The following MIPOL1 variants were observed in gnomAD, a reference collection of about 807,000 sequenced individuals.
MIPOL1 encodes mirror-image polydactyly 1.
MIPOL1 carries 57 observed loss-of-function variants against 60.9 expected under a neutral mutation model. The ratio of observed to expected loss-of-function variants is 0.94; its 90% confidence interval spans 0.76 to 1.17. MIPOL1 has a LOEUF of 1.17. MIPOL1 is among the 50% of genes most tolerant of loss of function. The pLI is 0.00. For missense variants in MIPOL1, 551 were observed against 511.6 expected (o/e 1.08, Z -0.74); for synonymous variants, 179 against 168.8 (o/e 1.06, Z -0.47).
chr14:37,427,834 A>G (rs1050878099), intron 11 of MIPOL1, among the ~76,000 whole-genome samples: 4 of 152,206 alleles, frequency 2.6e-5, no homozygotes, highest in Admixed American at 6.5e-5. Flanking sequence ...CAACTAATTC[A>G]TAGAAATATT....
intron 12 of MIPOL1, among the ~76,000 whole-genome samples, chr14:37,514,726 A>C: frequency 6.6e-6 from 1 of 151,510 alleles, no homozygotes; most frequent in East Asian, 1.9e-4. Flanking sequence ...AGTTCATGCG[A>C]TTCTCCTGCC....
chr14:37,468,536 A>C (rs1433673987), intron 11 of MIPOL1, among the ~76,000 whole-genome samples: 1 of 152,212 alleles, frequency 6.6e-6, no homozygotes, highest in African/African-American at 2.4e-5. Context: ...TCCATACCTT[A>C]TCTTCTGCAG....
intron 7 of MIPOL1, among the ~76,000 whole-genome samples, 172 bp from the exon 8 acceptor site, chr14:37,307,884 T>C (rs1438833903): frequency 6.6e-6 from 1 of 152,024 alleles, no homozygotes; most frequent in Admixed American, 6.6e-5. Flanking sequence ...ATATGGAGCA[T>C]TATTGAAAGA....
chr14:37,369,695 A>G, intron 10 of MIPOL1, 71 bp downstream of exon 10: 3 of 1,140,094 alleles, frequency 2.6e-6, no homozygotes, highest in Non-Finnish European at 3.9e-6. Context: ...TGTGCTGCAT[A>G]TATCAGTTGT....
At chr14:37,502,988 A>G (rs1006959839) in intron 12 of MIPOL1, 1 of 152,228 alleles carries the variant, frequency 6.6e-6, no homozygotes, top group Non-Finnish European at 1.5e-5. Flanking sequence ...ACAAGCTTCA[A>G]TAGGCGATGC....
At chr14:37,356,314 G>A (rs2091820799) in intron 9 of MIPOL1, among the ~76,000 whole-genome samples, 1 of 151,776 alleles carries the variant, frequency 6.6e-6, no homozygotes, top group Non-Finnish European at 1.5e-5. Context: ...CTTCAAAGCT[G>A]TCAGACAGGG....
At chr14:37,390,195 G>A (rs1433652881) in intron 10 of MIPOL1, among the ~76,000 whole-genome samples, 2 of 151,618 alleles carry the variant, frequency 1.3e-5, no homozygotes, top group Admixed American at 6.6e-5. Flanking sequence ...CTCCAGCCTG[G>A]GCAACAAGAG....
chr14:37,455,183 T>C (rs1041514471), intron 11 of MIPOL1, among the ~76,000 whole-genome samples: 3 of 152,216 alleles, frequency 2.0e-5, no homozygotes, highest in Admixed American at 1.3e-4. Flanking sequence ...AACTGCTCTT[T>C]CTTCTGAATT....
intron 11 of MIPOL1, among the ~76,000 whole-genome samples, chr14:37,441,701 T>C (rs2094248218): frequency 6.6e-6 from 1 of 152,088 alleles, no homozygotes. Context: ...TTTGTTTTGT[T>C]TTCTGTTTTT....
intron 12 of MIPOL1, among the ~76,000 whole-genome samples, chr14:37,515,800 A>G (rs1329894288): frequency 1.3e-5 from 2 of 152,178 alleles, no homozygotes; most frequent in African/African-American, 2.4e-5. Flanking sequence ...TCACACCACA[A>G]TGTGAGGTGA....
chr14:37,277,474 C>G (rs1000709590), intron 6 of MIPOL1: 1 of 151,220 alleles, frequency 6.6e-6, no homozygotes, highest in Admixed American at 6.6e-5. Context: ...TATATTAAAT[C>G]TTTGAATGTA....
intron 3 of MIPOL1, among the ~76,000 whole-genome samples, chr14:37,256,391 A>G (rs1414306356): frequency 6.6e-6 from 1 of 151,914 alleles, no homozygotes; most frequent in Non-Finnish European, 1.5e-5. Context: ...GAGTATGGAT[A>G]TTCTGTGTCC....
intron 11 of MIPOL1, among the ~76,000 whole-genome samples, chr14:37,499,170 A>C (rs1056003162): frequency 2.6e-5 from 4 of 152,164 alleles, no homozygotes; most frequent in African/African-American, 9.7e-5. Context: ...ATTTCAAAAT[A>C]ACCTCAGGTG....
At chr14:37,411,886 T>C (rs905002000) in intron 10 of MIPOL1, among the ~76,000 whole-genome samples, 1 of 152,114 alleles carries the variant, frequency 6.6e-6, no homozygotes, top group Admixed American at 6.5e-5. Flanking sequence ...CATAATAATA[T>C]CACATCAAAG....
At chr14:37,426,816 TATATC>T (rs1364195015) in intron 11 of MIPOL1, among the ~76,000 whole-genome samples, 2 of 151,726 alleles carry the variant, frequency 1.3e-5, no homozygotes, top group Non-Finnish European at 2.9e-5. Flanking sequence ...TGAATGAAGA[TATATC>T]ATAAGAAGAG....
At chr14:37,356,593 G>A (rs1427047196) in intron 9 of MIPOL1, among the ~76,000 whole-genome samples, 4 of 152,146 alleles carry the variant, frequency 2.6e-5, no homozygotes, top group Non-Finnish European at 2.9e-5. Context: ...AGCCAGGTGC[G>A]GGATATAATC....
intron 11 of MIPOL1, among the ~76,000 whole-genome samples, chr14:37,449,752 G>A (rs1468549742): frequency 6.6e-6 from 1 of 151,800 alleles, no homozygotes; most frequent in Non-Finnish European, 1.5e-5. Context: ...TTCTTGTACC[G>A]ATTTTGTTTA....
chr14:37,477,760 GT>G (rs1402520119), intron 11 of MIPOL1, among the ~76,000 whole-genome samples: 1 of 152,156 alleles, frequency 6.6e-6, no homozygotes, highest in Non-Finnish European at 1.5e-5. Flanking sequence ...TTTTCTGTGC[GT>G]ACCCAGATTC....
At chr14:37,438,048 T>TA (rs928896029) in intron 11 of MIPOL1, among the ~76,000 whole-genome samples, 4 of 152,126 alleles carry the variant, frequency 2.6e-5, no homozygotes, top group African/African-American at 9.7e-5. Flanking sequence ...GTGAGGCATT[T>TA]AAAAAAATAT....
Sources: allele counts gnomAD v4.1 joint callset (sites outside exome capture counted in the v4.1 genomes callset), GRCh38; gene constraint gnomAD v4.1.1; transcripts MANE v1.5; gene names NCBI Gene and HGNC (gene_info 2026-07-23, HGNC 2026-07-21).